Variants in SCARA3 observed in about 807,000 individuals in gnomAD.
SCARA3 encodes cellular stress response gene protein.
A neutral mutation model predicts 47.0 loss-of-function variants in SCARA3; 39 were observed. That is an observed-to-expected ratio of 0.83 (90% CI 0.64 to 1.08). The LOEUF (loss-of-function observed/expected upper bound fraction) is 1.08. Ranked by LOEUF, SCARA3 falls within the 50% of genes least tolerant of loss-of-function variation. SCARA3 has a pLI of 0.00. For synonymous variants in SCARA3, 356 were observed against 334.1 expected (o/e 1.07, Z -0.71); for missense variants, 724 against 792.3 (o/e 0.91, Z 1.04).
the SCARA3 span, among the ~76,000 whole-genome samples, chr8:27,704,924 G>A: frequency 2.0e-5 from 3 of 152,116 alleles, no homozygotes; most frequent in African/African-American, 7.2e-5. Context: ...AACCATCCTT[G>A]GTGACATCAT....
At chr8:27,704,279 C>T in the SCARA3 span, among the ~76,000 whole-genome samples, 1 of 151,956 alleles carries the variant, frequency 6.6e-6, no homozygotes, top group Non-Finnish European at 1.5e-5. Flanking sequence ...GACCTTGTCT[C>T]TACAAAAATT....
chr8:27,689,862 G>A, the SCARA3 span, among the ~76,000 whole-genome samples: 2 of 152,182 alleles, frequency 1.3e-5, no homozygotes, highest in African/African-American at 2.4e-5. Flanking sequence ...GGTGGCTCAA[G>A]CTGGTAATCT....
intron 1 of SCARA3, among the ~76,000 whole-genome samples, chr8:27,646,966 G>GCGCCCCCCCCCCC (rs1801509553): frequency 3.4e-5 from 1 of 29,844 alleles, no homozygotes; most frequent in Non-Finnish European, 5.9e-5. Context: ...ACCCCTGACC[G>GCGCCCCCCCCCCC]CCCCCGCCCC....
At chr8:27,711,327 CTTACTAGCTGGAACTCT>C in the SCARA3 span, among the ~76,000 whole-genome samples, 1 of 152,304 alleles carries the variant, frequency 6.6e-6, no homozygotes, top group East Asian at 1.9e-4. Context: ...TGCATCTTCA[CTTACTAGCTGGAACTCT>C]TCCAGAGAGA....
chr8:27,667,592 A>G (rs891813487), intron 5 of SCARA3, among the ~76,000 whole-genome samples: 1 of 152,100 alleles, frequency 6.6e-6, no homozygotes, highest in African/African-American at 2.4e-5. Flanking sequence ...GCACGTGGCC[A>G]CCCGCTGCAC....
the SCARA3 span, among the ~76,000 whole-genome samples, chr8:27,685,477 AC>A: frequency 6.6e-6 from 1 of 152,230 alleles, no homozygotes; most frequent in Non-Finnish European, 1.5e-5. Flanking sequence ...AAATCCTGTT[AC>A]CCAAAGCAGA....
chr8:27,638,306 T>C (rs1801300948), intron 1 of SCARA3, among the ~76,000 whole-genome samples: 2 of 108,094 alleles, frequency 1.9e-5, no homozygotes, highest in African/African-American at 6.6e-5. Context: ...TCATGTATAA[T>C]TTAGTGATTG....
chr8:27,705,731 G>C, the SCARA3 span, among the ~76,000 whole-genome samples: 1 of 152,220 alleles, frequency 6.6e-6, no homozygotes, highest in Non-Finnish European at 1.5e-5. Context: ...GGAAGTTGTA[G>C]CTTAGTGAGG....
chr8:27,717,182 G>A, the SCARA3 span, among the ~76,000 whole-genome samples: 1 of 152,128 alleles, frequency 6.6e-6, no homozygotes, highest in Admixed American at 6.5e-5. Flanking sequence ...TAGGACAATT[G>A]GTGAAACAGA....
intron 3 of SCARA3, among the ~76,000 whole-genome samples, chr8:27,656,477 C>A (rs374251784): frequency 6.6e-6 from 1 of 152,094 alleles, no homozygotes; most frequent in African/African-American, 2.4e-5. Flanking sequence ...TGGCAGCAAC[C>A]TTTGGGTGGT....
the SCARA3 span, among the ~76,000 whole-genome samples, chr8:27,707,724 A>G: frequency 6.6e-6 from 1 of 151,954 alleles, no homozygotes; most frequent in Non-Finnish European, 1.5e-5. Context: ...GAACCTGCCA[A>G]GAGCCTGCCA....
At chr8:27,693,742 C>A in the SCARA3 span, among the ~76,000 whole-genome samples, 1 of 152,162 alleles carries the variant, frequency 6.6e-6, no homozygotes, top group African/African-American at 2.4e-5. Flanking sequence ...AAGCCTGCTA[C>A]CTGGAGGCTT....
chr8:27,685,700 C>T, the SCARA3 span, among the ~76,000 whole-genome samples: 1 of 152,242 alleles, frequency 6.6e-6, no homozygotes, highest in Middle Eastern at 3.4e-3. Flanking sequence ...CGTTATGATG[C>T]AGTGGAAAGT....
the SCARA3 span, among the ~76,000 whole-genome samples, chr8:27,692,867 G>A: frequency 1.3e-5 from 2 of 152,106 alleles, no homozygotes; most frequent in African/African-American, 4.8e-5. Context: ...GCTCATGCCT[G>A]TAATCCCAGC....
At chr8:27,732,592 ACTG>A in the SCARA3 span, among the ~76,000 whole-genome samples, 1 of 152,256 alleles carries the variant, frequency 6.6e-6, no homozygotes. Flanking sequence ...TTTTCACTGC[ACTG>A]CTAAGTCACC....
At chr8:27,713,222 C>T in the SCARA3 span, among the ~76,000 whole-genome samples, 1 of 152,222 alleles carries the variant, frequency 6.6e-6, no homozygotes, top group Non-Finnish European at 1.5e-5. Context: ...GATCATAGGG[C>T]AGCCACTTTG....
At chr8:27,704,169 G>A in the SCARA3 span, among the ~76,000 whole-genome samples, 1 of 152,080 alleles carries the variant, frequency 6.6e-6, no homozygotes, top group African/African-American at 2.4e-5. Flanking sequence ...ATATTGGCCA[G>A]GTACAGCAGC....
the SCARA3 span, among the ~76,000 whole-genome samples, chr8:27,688,275 A>C: frequency 6.6e-6 from 1 of 152,044 alleles, no homozygotes; most frequent in Admixed American, 6.5e-5. Context: ...CATCTTCAGG[A>C]GGGAATGATT....
At chr8:27,715,101 T>C in the SCARA3 span, among the ~76,000 whole-genome samples, 1 of 152,052 alleles carries the variant, frequency 6.6e-6, no homozygotes, top group Non-Finnish European at 1.5e-5. This position sits in a 1 kb window ranked among gnomAD's most constrained non-coding sequence, Gnocchi z 4.2. Context: ...TTTGTTTTTA[T>C]TTTTTGTACA....
Sources: gnomAD v4.1 joint callset for allele counts (sites outside exome capture counted in the v4.1 genomes callset) on GRCh38, gnomAD v4.1.1 for gene constraint, Gnocchi (gnomAD v3.1) non-coding constraint, MANE v1.5 for transcripts, NCBI Gene and HGNC (gene_info 2026-07-23, HGNC 2026-07-21) for gene names.